Variants in LTBP2 observed in about 807,000 individuals in gnomAD.
The protein encoded by LTBP2 is latent transforming growth factor beta binding protein 2.
LTBP2 carries 103 observed loss-of-function variants against 210.6 expected under a neutral mutation model. That is an observed-to-expected ratio of 0.49 (90% CI 0.42 to 0.58). The LOEUF is 0.58. Ranked by LOEUF, LTBP2 falls within the 20% of genes least tolerant of loss-of-function variation. The probability of loss-of-function intolerance (pLI) is 0.00; values close to 1 mark genes in which losing one functional copy is unlikely to be tolerated. For missense variants in LTBP2, 2,313 were observed against 2,494.5 expected (o/e 0.93, Z 1.55); for synonymous variants, 1,007 against 1,015.0 (o/e 0.99, Z 0.15).
At chr14:74,595,436 AGTCCCAAGGCTTGTCTG>A (rs1394287314) in intron 2 of LTBP2, among the ~76,000 whole-genome samples, 1 of 152,188 alleles carries the variant, frequency 6.6e-6, no homozygotes, top group Non-Finnish European at 1.5e-5. Flanking sequence ...CCATCCCCAC[AGTCCCAAGGCTTGTCTG>A]GGAGGAAGCC....
chr14:74,556,689 T>C (rs563913946), intron 3 of LTBP2, among the ~76,000 whole-genome samples: 1 of 152,330 alleles, frequency 6.6e-6, no homozygotes, highest in South Asian at 2.1e-4. Context: ...GTTAATTTTT[T>C]GTATTTTTAG....
intron 8 of LTBP2, among the ~76,000 whole-genome samples, chr14:74,537,770 T>C (rs1458679803): frequency 6.6e-6 from 1 of 152,202 alleles, no homozygotes; most frequent in African/African-American, 2.4e-5. Context: ...TCTTCTTTTT[T>C]TTGAGATGGA....
intron 2 of LTBP2, among the ~76,000 whole-genome samples, chr14:74,595,420 G>T (rs981071729): frequency 6.6e-6 from 1 of 152,242 alleles, no homozygotes; most frequent in African/African-American, 2.4e-5. Flanking sequence ...GAGAAGAGTT[G>T]TCTGTCCATC....
At chr14:74,525,774 C>T (rs763529911) in intron 14 of LTBP2, among the ~76,000 whole-genome samples, 9 of 152,212 alleles carry the variant, frequency 5.9e-5, no homozygotes, top group African/African-American at 1.2e-4. Context: ...AGCCAAACAC[C>T]TGTTTCAGCT....
rs2086885644 is a variant in LTBP2 at position 74,499,318 on chromosome 14, T to C, written c.*1566A>G. 1 of 220,816 alleles carries C rather than the reference T, an allele frequency of 4.5e-6. No individual in the cohort carries two copies. 13.7% of individuals were successfully genotyped at this position (220,816 alleles called of 1,614,324 possible). ...TAGTATAGGGACCTAGAGCAAATTA[T>C]TTAAGCTTTCTATGTCTCAGTTTCC... is the stretch of plus-strand genomic sequence containing the variant. On this transcript the variant is annotated 3_prime_UTR_variant, in exon 36 of 36. Transcript: ENST00000261978.
chr14:74,529,216 A>G (rs866523129), intron 10 of LTBP2, 94 bp from the exon 11 acceptor site: 82 of 1,423,932 alleles, frequency 5.8e-5, no homozygotes, highest in Middle Eastern at 3.8e-4. Context: ...GGCTGGCCAC[A>G]TGCACTCAGA....
chr14:74,554,868 C>G (rs1000442075), intron 4 of LTBP2, among the ~76,000 whole-genome samples: 4 of 151,562 alleles, frequency 2.6e-5, no homozygotes, highest in Non-Finnish European at 5.9e-5. Flanking sequence ...AGCTCAGGCA[C>G]AGATGTAAAC....
rs2088207175 is a variant in LTBP2 at position 74,586,492 on chromosome 14, A to G, written c.566-374T>C. 6.6e-6 allele frequency among the ~76,000 whole-genome samples: 1 copy of G among 152,180 alleles called. No homozygotes were observed. Among genetic ancestry groups the G allele is most frequent in the African/African-American group, 2.4e-5 (1 of 41,432 alleles). On this transcript the variant is annotated intron_variant, in intron 2 of 35. Transcript: ENST00000261978. The surrounding 1 kb of genome is among the most constrained non-coding windows in gnomAD (Gnocchi z 4.6). ...GACAGACAGCGGCCCCGGAACTTTGACTAGGGATTGCCACAGAGTAGATTC... is the reference window on the plus strand; with the variant it reads ...GACAGACAGCGGCCCCGGAACTTTGGCTAGGGATTGCCACAGAGTAGATTC...
Position 74,509,294 on chromosome 14 carries a change from G to A in LTBP2, c.3347C>T (p.Ser1116Phe), listed in dbSNP as rs760294763. The A allele has an allele frequency of 2.5e-6, 4 of 1,613,682 alleles. No homozygotes were observed. The highest frequency in any genetic ancestry group is 3.4e-6 in the Non-Finnish European group (4 of 1,179,996). The change falls in exon 22 of 36, where the codon TCC (serine) becomes TTC (phenylalanine). Residue 1116 changes from serine (S) to phenylalanine (F), a missense_variant. Ser to Phe is a radical substitution (Grantham distance 155). Around this residue, in one of 3 missense-constraint regions of LTBP2, gnomAD observed 1,867 missense variants for 1,976.9 expected, o/e 0.94. Coordinates refer to ENST00000261978, the MANE Select transcript of LTBP2 (RefSeq NM_000428.3). ...GVCTNTAGSF[S>F]CKDCDGGYRP... ...GTAGCCCCCATCGCAGTCCTTGCAG[G>A]AGAAGGAGCCAGCCGTGTTGGTGCA...
chr14:74,553,030 T>C lies in LTBP2; in HGVS notation c.1054A>G (p.Lys352Glu). The C allele has an allele frequency of 6.2e-7, 1 of 1,614,174 alleles. No homozygotes were observed. Among genetic ancestry groups the C allele is most frequent in the Non-Finnish European group, 8.5e-7 (1 of 1,180,020 alleles). Residue 352 changes from lysine to glutamate, a missense_variant, in exon 5 of 36, where the codon AAG becomes GAG. Transcript: ENST00000261978. Reference protein sequence around the residue: ...LNLTEKIKKIKIVFTPTICKQ... With the variant: ...LNLTEKIKKIEIVFTPTICKQ... Reference sequence around the variant, plus strand: ...CAGATGGTGGGAGTGAAGACGATCTTGATCTTCTTGATTTTCTCCGTGAGG... The same window carrying C: ...CAGATGGTGGGAGTGAAGACGATCTCGATCTTCTTGATTTTCTCCGTGAGG...
chr14:74,538,397 C>T (rs989124824), intron 8 of LTBP2, among the ~76,000 whole-genome samples: 4 of 152,048 alleles, frequency 2.6e-5, no homozygotes, highest in African/African-American at 9.6e-5. Context: ...TGAGAAGGGT[C>T]GGCATTGCGT....
chr14:74,516,593 A>C (rs2087137961), intron 18 of LTBP2, among the ~76,000 whole-genome samples: 1 of 152,120 alleles, frequency 6.6e-6, no homozygotes, highest in Non-Finnish European at 1.5e-5. Context: ...CATGTGGATA[A>C]AGTTGTTCAT....
In LTBP2 at chr14:74,525,229, T is replaced by G. The variant is rs758803033; in HGVS notation, c.2429-4A>C. On this transcript the variant is annotated splice_region_variant and splice_polypyrimidine_tract_variant and intron_variant, in intron 14 of 35. Transcript: ENST00000261978. ...ATTGGTGGGGTTGTGGCATTCCCTG[T>G]GGAGGAGAGAGGGGAAGAGGTGGGG... 2.3e-6 allele frequency: 3 copies of G among 1,318,612 alleles called. No homozygotes were observed. The highest frequency in any genetic ancestry group is 3.0e-5 in the Admixed American group (1 of 33,172). The allele number at this position is 1,318,612 out of a possible 1,614,324, so 81.7% of individuals were successfully genotyped here. A position where few individuals can be genotyped will look rare whatever the true frequency, so the allele number is the denominator to read the frequency against.
Position 74,508,861 on chromosome 14 carries a change from G to T in LTBP2, c.3495C>A (p.Gly1165=), listed in dbSNP as rs2087028645. 1 of 1,613,788 alleles carries T rather than the reference G, an allele frequency of 6.2e-7. No homozygotes were observed. The highest frequency in any genetic ancestry group is 1.7e-5 in the Admixed American group (1 of 60,020). The change falls in exon 23 of 36, where the codon GGC becomes GGA. Residue 1165 remains glycine, a synonymous_variant. Transcript: ENST00000261978. ...ACACGGTGCCATTGGCCAGCTGGAA[G>T]CCCTGGGGACAGAGGCACTGGTAGG... ...VGSYQCLCPQ[G]FQLANGTVCE...
At chr14:74,592,956 C>A (rs1428666698) in intron 2 of LTBP2, among the ~76,000 whole-genome samples, 1 of 152,138 alleles carries the variant, frequency 6.6e-6, no homozygotes, top group African/African-American at 2.4e-5. Context: ...CTTTTCCACA[C>A]CCCCCTGGCC....
chr14:74,499,156 T>G lies in LTBP2; in HGVS notation c.*1728A>C. On this transcript the variant is annotated 3_prime_UTR_variant, in exon 36 of 36. Coordinates refer to ENST00000261978, the MANE Select transcript of LTBP2 (RefSeq NM_000428.3). ...TTGCCAGCTAGGAGTCTTAACAAGC[T>G]TTTTGATCTTTGCCAATCTGACAGT... 1 of 215,150 alleles carries G rather than the reference T, an allele frequency of 4.6e-6. No individual in the cohort carries two copies. The highest frequency in any genetic ancestry group is 9.4e-6 in the Non-Finnish European group (1 of 106,424). The allele number at this position is 215,150 out of a possible 1,614,324, so 13.3% of individuals were successfully genotyped here. A position where few individuals can be genotyped will look rare whatever the true frequency, so the allele number is the denominator to read the frequency against.
intron 2 of LTBP2, among the ~76,000 whole-genome samples, chr14:74,593,822 T>C (rs1360655925): frequency 6.6e-6 from 1 of 152,056 alleles, no homozygotes; most frequent in Non-Finnish European, 1.5e-5. Context: ...CCAGATGGCC[T>C]CTGAGCTTCT....
At chr14:74,524,042 GA>G (rs1484668058) in intron 15 of LTBP2, among the ~76,000 whole-genome samples, 1 of 152,094 alleles carries the variant, frequency 6.6e-6, no homozygotes, top group African/African-American at 2.4e-5. Context: ...AATGGCAGAG[GA>G]GAAGGGGGAT....
In LTBP2 at chr14:74,586,267, G is replaced by T; in HGVS notation, c.566-149C>A. On this transcript the variant is annotated intron_variant, in intron 2 of 35. Coordinates refer to ENST00000261978, the MANE Select transcript of LTBP2 (RefSeq NM_000428.3). The surrounding 1 kb of genome is among the most constrained non-coding windows in gnomAD (Gnocchi z 4.6). ...CTCTCCTGGCCTCAGGGGGCTCCCT[G>T]ACCCATGTCTCTCCCACCTCCATCC... The T allele has an allele frequency of 1.2e-6, 1 of 832,090 alleles. No homozygotes were observed. Among genetic ancestry groups the T allele is most frequent in the Non-Finnish European group, 1.9e-6 (1 of 538,670 alleles). The allele number at this position is 832,090 out of a possible 1,614,324, so 51.5% of individuals were successfully genotyped here. A position where few individuals can be genotyped will look rare whatever the true frequency, so the allele number is the denominator to read the frequency against.
Sources: gnomAD v4.1 joint callset for allele counts (sites outside exome capture counted in the v4.1 genomes callset) on GRCh38, gnomAD v4.1.1 for gene constraint, gnomAD v4.1.1 regional missense constraint, Gnocchi (gnomAD v3.1) non-coding constraint, MANE v1.5 for transcripts, NCBI Gene and HGNC (gene_info 2026-07-23, HGNC 2026-07-21) for gene names.